The following AFAP1L1 variants were observed in gnomAD, a reference collection of about 807,000 sequenced individuals.
AFAP1L1 encodes the protein actin filament associated protein 1 like 1, also known as actin filament-associated protein 1-like 1.
A neutral mutation model predicts 99.8 loss-of-function variants in AFAP1L1; 77 were observed. The observed-to-expected ratio is 0.77, with a 90% CI of 0.64 to 0.93. The LOEUF (loss-of-function observed/expected upper bound fraction) is 0.93, where lower values mean the gene tolerates loss of function less well. Ranked by LOEUF, AFAP1L1 falls within the 40% of genes least tolerant of loss-of-function variation. The probability of loss-of-function intolerance (pLI) is 0.00; values close to 1 mark genes in which losing one functional copy is unlikely to be tolerated. For synonymous variants in AFAP1L1, 373 were observed against 395.3 expected (o/e 0.94, Z 0.67); for missense variants, 893 against 996.8 (o/e 0.90, Z 1.40).
intron 16 of AFAP1L1, among the ~76,000 whole-genome samples, chr5:149,330,350 C>T (rs1440143138): frequency 6.6e-6 from 1 of 152,234 alleles, no homozygotes; most frequent in African/African-American, 2.4e-5. Context: ...TTCTCTCTAA[C>T]TGTAGTTTGA....
At chr5:149,321,288 TA>T (rs1214301525) in intron 14 of AFAP1L1, among the ~76,000 whole-genome samples, 1 of 152,196 alleles carries the variant, frequency 6.6e-6, no homozygotes, top group Non-Finnish European at 1.5e-5. Flanking sequence ...TTGCAGAGTT[TA>T]GTGGCAAGAC....
At chr5:149,276,428 CAA>C (rs1755326937) in intron 1 of AFAP1L1, among the ~76,000 whole-genome samples, 1 of 152,178 alleles carries the variant, frequency 6.6e-6, no homozygotes, top group Non-Finnish European at 1.5e-5. Context: ...AAATACCACA[CAA>C]GAGAATCAAC....
At chr5:149,280,747 C>T (rs1263040011) in intron 1 of AFAP1L1, among the ~76,000 whole-genome samples, 3 of 152,110 alleles carry the variant, frequency 2.0e-5, no homozygotes, top group Admixed American at 6.5e-5. Context: ...CCTTCTATCA[C>T]CCTCTCAAAA....
chr5:149,335,551 A>T, intron 17 of AFAP1L1, 43 bp from the exon 18 acceptor site: 1 of 1,600,310 alleles, frequency 6.2e-7, no homozygotes, highest in Admixed American at 1.7e-5. Context: ...GTAGGTAGCC[A>T]TCACCAGATC....
At position 149,329,678 on chromosome 5, in the gene AFAP1L1, A is replaced by G; in HGVS notation, c.1823A>G (p.Tyr608Cys). 1.2e-6 allele frequency: 2 copies of G among 1,613,596 alleles called. No homozygotes were observed. Among genetic ancestry groups the G allele is most frequent in the Non-Finnish European group, 1.7e-6 (2 of 1,179,820 alleles). ...VKRHASSANQ[Y>C]KYGKNRAEED... Reference sequence around the variant, plus strand: ...CATATCTCTGCAGGTGCCAATCAATACAAGTATGGCAAGAACCGAGCCGAG... The same window carrying G: ...CATATCTCTGCAGGTGCCAATCAATGCAAGTATGGCAAGAACCGAGCCGAG... Residue 608 changes from tyrosine (Y) to cysteine (C), a missense_variant, in exon 16 of 19, where the codon TAC (tyrosine) becomes TGC (cysteine). Coordinates refer to ENST00000296721, the MANE Select transcript of AFAP1L1 (RefSeq NM_152406.4).
chr5:149,325,909 C>G (rs1232222345), intron 15 of AFAP1L1, among the ~76,000 whole-genome samples: 1 of 152,160 alleles, frequency 6.6e-6, no homozygotes, highest in Non-Finnish European at 1.5e-5. Context: ...GCCTAAATCA[C>G]CTCTCAAAGT....
intron 1 of AFAP1L1, among the ~76,000 whole-genome samples, chr5:149,293,867 C>A (rs900009175): frequency 6.6e-6 from 1 of 152,136 alleles, no homozygotes; most frequent in Non-Finnish European, 1.5e-5. Context: ...AACCAGGGCT[C>A]AAAATTTCTA....
At position 149,317,862 on chromosome 5, in the gene AFAP1L1, G is replaced by A. The variant is rs757004379; in HGVS notation, c.1401G>A (p.Glu467=). The part of the protein sequence containing the change: ...HVNAIALQGC[E]VAPGFGPRHP... ...ACGCCATCGCCCTGCAAGGCTGTGAGGTGGCCCCGGGCTTTGGGCCCCGAC... is the reference window on the plus strand; with the variant it reads ...ACGCCATCGCCCTGCAAGGCTGTGAAGTGGCCCCGGGCTTTGGGCCCCGAC... Residue 467 remains glutamate (E), a synonymous_variant, in exon 12 of 19, where the codon GAG becomes GAA. Coordinates refer to ENST00000296721, the MANE Select transcript of AFAP1L1 (RefSeq NM_152406.4). 9 of 1,606,184 alleles carry A rather than the reference G, an allele frequency of 5.6e-6. No individual in the cohort carries two copies. The highest frequency in any genetic ancestry group is 7.7e-6 in the Non-Finnish European group (9 of 1,176,436).
chr5:149,310,162 G>T (rs1000826402), intron 8 of AFAP1L1, 27 bp downstream of exon 8: 2 of 1,554,690 alleles, frequency 1.3e-6, no homozygotes, highest in Non-Finnish European at 1.7e-6. Flanking sequence ...TGACCTTCCC[G>T]CCTTCTCACC....
intron 1 of AFAP1L1, among the ~76,000 whole-genome samples, chr5:149,292,433 T>A (rs974306526): frequency 5.3e-5 from 8 of 152,204 alleles, no homozygotes; most frequent in African/African-American, 1.7e-4. Context: ...ATTTCAGTCA[T>A]GTGGGGAGGA....
At chr5:149,272,978 C>T (rs574511627) in intron 1 of AFAP1L1, among the ~76,000 whole-genome samples, 256 of 152,038 alleles carry the variant, frequency 1.7e-3, no homozygotes, top group African/African-American at 6.0e-3. Flanking sequence ...GCTGGGATTA[C>T]GGGCGTGAGC....
chr5:149,290,204 G>T (rs1253865155), intron 1 of AFAP1L1, among the ~76,000 whole-genome samples: 4 of 152,234 alleles, frequency 2.6e-5, no homozygotes, highest in Admixed American at 2.0e-4. Flanking sequence ...CTGCACTCCA[G>T]CCTGGGCAAC....
chr5:149,292,425 T>A (rs1755886524), intron 1 of AFAP1L1, among the ~76,000 whole-genome samples: 2 of 152,226 alleles, frequency 1.3e-5, no homozygotes, highest in African/African-American at 4.8e-5. Flanking sequence ...TTATTTTGAT[T>A]TCAGTCATGT....
intron 9 of AFAP1L1, among the ~76,000 whole-genome samples, chr5:149,313,857 G>T (rs1233251156): frequency 1.3e-5 from 2 of 152,210 alleles, no homozygotes; most frequent in African/African-American, 4.8e-5. Context: ...AAATTAGCAG[G>T]GAAGAGGAAG....
chr5:149,332,284 C>A (rs2127604173), intron 16 of AFAP1L1, among the ~76,000 whole-genome samples: 1 of 152,294 alleles, frequency 6.6e-6, no homozygotes, highest in Non-Finnish European at 1.5e-5. Context: ...GTAGTCCCAG[C>A]TACTTGGGAG....
intron 1 of AFAP1L1, among the ~76,000 whole-genome samples, chr5:149,286,608 C>A (rs559768218): frequency 4.6e-5 from 7 of 152,030 alleles, no homozygotes; most frequent in Non-Finnish European, 1.0e-4. Context: ...CTTCTGAATT[C>A]TAAATGAGTT....
At chr5:149,327,459 G>T (rs1490426949) in intron 15 of AFAP1L1, among the ~76,000 whole-genome samples, 1 of 151,926 alleles carries the variant, frequency 6.6e-6, no homozygotes, top group African/African-American at 2.4e-5. Flanking sequence ...TACAGTATAC[G>T]TATATGGAAC....
intron 1 of AFAP1L1, among the ~76,000 whole-genome samples, chr5:149,288,874 G>A (rs924812077): frequency 3.3e-5 from 5 of 152,160 alleles, no homozygotes; most frequent in South Asian, 2.1e-4. Context: ...GAGCTGATGC[G>A]AGTAAGGCCA....
In AFAP1L1 at chr5:149,316,232, G is replaced by T; in HGVS notation, c.1196G>T (p.Gly399Val). Residue 399 changes from glycine (G) to valine (V), a missense_variant, in exon 11 of 19, where the codon GGC becomes GTC. By Grantham distance (109) the Gly-to-Val change is moderately radical. Coordinates refer to ENST00000296721, the MANE Select transcript of AFAP1L1 (RefSeq NM_152406.4). ...AAGRKITRII[G>V]FSKKKTLADD... ...GGCCGCAAGATCACCCGTATCATTG[G>T]CTTCTCCAAGAAGAAGACACTGGCC... The T allele has an allele frequency of 6.2e-7, 1 of 1,614,094 alleles. No homozygotes were observed. Among genetic ancestry groups the T allele is most frequent in the Non-Finnish European group, 8.5e-7 (1 of 1,179,998 alleles).
Sources: allele counts gnomAD v4.1 joint callset (sites outside exome capture counted in the v4.1 genomes callset), GRCh38; gene constraint gnomAD v4.1.1; transcripts MANE v1.5; gene names NCBI Gene and HGNC (gene_info 2026-07-23, HGNC 2026-07-21).